The following OTOG variants were observed in gnomAD, a reference collection of about 807,000 sequenced individuals.
The protein encoded by OTOG is otogelin.
A neutral mutation model predicts 313.8 loss-of-function variants in OTOG; 296 were observed. That is an observed-to-expected ratio of 0.94 (90% CI 0.86 to 1.04). OTOG has a LOEUF of 1.04. Among genes scored for constraint, OTOG ranks in the 50% least tolerant of loss-of-function variants. The probability of loss-of-function intolerance (pLI) is 0.00; values close to 1 mark genes in which losing one functional copy is unlikely to be tolerated. For missense variants in OTOG, 3,948 were observed against 3,840.1 expected (o/e 1.03, Z -0.74); for synonymous variants, 1,533 against 1,554.9 (o/e 0.99, Z 0.33).
intron 23 of OTOG, among the ~76,000 whole-genome samples, chr11:17,583,970 T>A (rs148902185): frequency 6.6e-6 from 1 of 152,350 alleles, no homozygotes; most frequent in Admixed American, 6.5e-5. Context: ...TATTTATTGG[T>A]CTTCATTAAT....
Position 17,642,173 on chromosome 11 carries a change from G to C in OTOG, c.8342G>C (p.Ser2781Thr), listed in dbSNP as rs576084175. The part of the protein sequence containing the change: ...IADCARHHCS[S>T]TPLGAVLVRS... ...GACTGCGCCCGCCACCACTGCAGCA[G>C]CACGCCCCTGGGTGCCGTGCTGGTC... is the stretch of plus-strand genomic sequence containing the variant. The change falls in exon 53 of 56, where the codon AGC (serine) becomes ACC (threonine). Residue 2781 changes from serine to threonine, a missense_variant. Coordinates refer to ENST00000399397, the MANE Select transcript of OTOG (RefSeq NM_001292063.2). 17 of 1,550,192 alleles carry C rather than the reference G, an allele frequency of 1.1e-5. No individual in the cohort carries two copies. In the South Asian group the frequency reaches 1.5e-4, roughly 14 times the overall value.
chr11:17,576,487 C>T lies in OTOG; in HGVS notation c.2487-69C>T, dbSNP rs1011309156. On this transcript the variant is annotated intron_variant, in intron 20 of 55. Coordinates refer to ENST00000399397, the MANE Select transcript of OTOG (RefSeq NM_001292063.2). ...CACCTGGTTGGCTGAGGGTGGGGTC[C>T]CTGTCCTTGGCAGTCTCTGCCCTAG... 7 of 1,318,452 alleles carry T rather than the reference C, an allele frequency of 5.3e-6. No individual in the cohort carries two copies. The Admixed American group carries it at 1.4e-4, about 26-fold the overall frequency. 81.7% of individuals were successfully genotyped at this position (1,318,452 alleles called of 1,614,324 possible).
intron 3 of OTOG, among the ~76,000 whole-genome samples, chr11:17,551,764 G>T (rs1423235305): frequency 6.6e-6 from 1 of 152,158 alleles, no homozygotes; most frequent in Non-Finnish European, 1.5e-5. Flanking sequence ...CTGCCGCAGA[G>T]ATGCCACTTG....
intron 40 of OTOG, among the ~76,000 whole-genome samples, chr11:17,630,751 A>G (rs966356410): frequency 6.6e-6 from 1 of 152,242 alleles, no homozygotes; most frequent in Non-Finnish European, 1.5e-5. Context: ...AAGGAAGGAC[A>G]TCTGAGAAAG....
At chr11:17,635,219 C>A in intron 46 of OTOG, 32 bp downstream of exon 46, 1 of 1,501,362 alleles carries the variant, frequency 6.7e-7, no homozygotes, top group South Asian at 1.2e-5. Context: ...CCAGCGCACA[C>A]AGCCTGATCA....
At chr11:17,601,584 C>A (rs189471794) in intron 31 of OTOG, among the ~76,000 whole-genome samples, 2 of 142,982 alleles carry the variant, frequency 1.4e-5, no homozygotes, top group Non-Finnish European at 3.0e-5. Flanking sequence ...GCCACTGGTG[C>A]GTCCCACCAG....
intron 48 of OTOG, chr11:17,638,954 C>G (rs377025297): frequency 2.2e-4 from 97 of 438,032 alleles, no homozygotes; most frequent in African/African-American, 1.8e-3. Context: ...GAAAATCAGC[C>G]GGGCACGGTG....
At chr11:17,574,696 T>C (rs925298630) in intron 19 of OTOG, 24 bp from the exon 20 acceptor site, 1 of 1,542,896 alleles carries the variant, frequency 6.5e-7, no homozygotes, top group Non-Finnish European at 8.8e-7. Flanking sequence ...AGACAAAGCA[T>C]GCACCACTCC....
intron 3 of OTOG, among the ~76,000 whole-genome samples, chr11:17,548,960 C>T (rs1249598179): frequency 1.3e-5 from 2 of 152,116 alleles, no homozygotes; most frequent in Non-Finnish European, 2.9e-5. Flanking sequence ...CTCAAGTGAT[C>T]CTTCTGTGTC....
At position 17,634,876 on chromosome 11, in the gene OTOG, C is replaced by G; in HGVS notation, c.7513C>G (p.Pro2505Ala). Residue 2505 changes from proline to alanine, a missense_variant, in exon 45 of 56, where the codon CCC (proline) becomes GCC (alanine). Pro to Ala is a conservative substitution (Grantham distance 27). Coordinates refer to ENST00000399397, the MANE Select transcript of OTOG (RefSeq NM_001292063.2). ...CCAGACTCTGTGTGAGGGTCTCGCCCCCACATGCCGCCCAGGCCACCGCCT... is the reference window on the plus strand; with the variant it reads ...CCAGACTCTGTGTGAGGGTCTCGCCGCCACATGCCGCCCAGGCCACCGCCT... ...CNQTLCEGLAPTCRPGHRLLT... is the reference protein window; with the variant it reads ...CNQTLCEGLAATCRPGHRLLT... 1 of 1,549,568 alleles carries G rather than the reference C, an allele frequency of 6.5e-7. No homozygotes were observed.
In OTOG at chr11:17,606,137, T is replaced by A; in HGVS notation, c.4156+2T>A. 1 of 1,526,480 alleles carries A rather than the reference T, an allele frequency of 6.6e-7. No individual in the cohort carries two copies. Among genetic ancestry groups the A allele is most frequent in the Non-Finnish European group, 8.8e-7 (1 of 1,132,752 alleles). The allele number at this position is 1,526,480 out of a possible 1,614,324, so 94.6% of individuals were successfully genotyped here. ...GGGGCACACTCTTCCGCCTTCTGGG[T>A]AGGCGACCCCCTGCCATTGCCCTCG... On this transcript the variant is annotated splice_donor_variant, in intron 33 of 55. Coordinates refer to ENST00000399397, the MANE Select transcript of OTOG (RefSeq NM_001292063.2). LOFTEE classifies it high-confidence loss of function.
chr11:17,595,529 A>G (rs969677849), intron 28 of OTOG, among the ~76,000 whole-genome samples: 2 of 152,200 alleles, frequency 1.3e-5, no homozygotes, highest in Non-Finnish European at 2.9e-5. Flanking sequence ...CAAGGCTGCA[A>G]TCAAGGTGTC....
chr11:17,563,283 C>T (rs1170653590), intron 15 of OTOG, among the ~76,000 whole-genome samples: 1 of 152,224 alleles, frequency 6.6e-6, no homozygotes, highest in South Asian at 2.1e-4. Context: ...AGAGCAGGAG[C>T]TCACACCCAC....
chr11:17,579,017 C>T (rs564395876), intron 23 of OTOG, among the ~76,000 whole-genome samples: 1 of 152,334 alleles, frequency 6.6e-6, no homozygotes, highest in East Asian at 1.9e-4. Context: ...TTCCCAGGTC[C>T]CCAGAACCCT....
intron 42 of OTOG, 22 bp from the exon 43 acceptor site, chr11:17,633,658 G>C (rs1352457565): frequency 6.6e-7 from 1 of 1,504,008 alleles, no homozygotes; most frequent in Admixed American, 2.1e-5. Flanking sequence ...AGGTAGGCCT[G>C]GTGCCCACTG....
At chr11:17,589,820 T>C (rs1319454302) in intron 24 of OTOG, among the ~76,000 whole-genome samples, 1 of 152,226 alleles carries the variant, frequency 6.6e-6, no homozygotes, top group Non-Finnish European at 1.5e-5. Context: ...CATATTGCCA[T>C]ATCCAGTTAG....
intron 31 of OTOG, among the ~76,000 whole-genome samples, chr11:17,600,978 A>C (rs1187560079): frequency 6.6e-6 from 1 of 152,228 alleles, no homozygotes; most frequent in Non-Finnish European, 1.5e-5. Context: ...GAGCAGGCTC[A>C]CGCCGCCTCT....
intron 15 of OTOG, 147 bp from the exon 16 acceptor site, chr11:17,569,009 T>G: frequency 1.0e-6 from 1 of 963,586 alleles, no homozygotes; most frequent in Non-Finnish European, 1.5e-6. Flanking sequence ...TTTGGTTGGA[T>G]GATCCCTGAT....
rs748617558 is a variant in OTOG, at chr11:17,635,683, G to A, written c.7767G>A (p.Thr2589=). Residue 2589 remains threonine (T), a synonymous_variant, in exon 47 of 56, where the codon ACG becomes ACA. Coordinates refer to ENST00000399397, the MANE Select transcript of OTOG (RefSeq NM_001292063.2). The stretch of plus-strand genomic sequence containing the variant: ...CGCTCACTGTGCACAGGAATACCAC[G>A]GAACTCTGCTGCCCTCTGTACCAGT... ...GEALTVHRNT[T]ELCCPLYQCV... 49 of 1,550,434 alleles carry A rather than the reference G, an allele frequency of 3.2e-5. 1 individual carries two copies. In the South Asian group the frequency reaches 4.5e-4, roughly 14 times the overall value.
Sources: gnomAD v4.1 joint callset for allele counts (sites outside exome capture counted in the v4.1 genomes callset) on GRCh38, gnomAD v4.1.1 for gene constraint, MANE v1.5 for transcripts, NCBI Gene and HGNC (gene_info 2026-07-23, HGNC 2026-07-21) for gene names.